MCC: variants seen among roughly 807,000 people sequenced by gnomAD.
MCC encodes the protein colorectal mutant cancer protein.
In MCC, 90 loss-of-function variants were observed where a neutral mutation model predicts 116.2. The ratio of observed to expected loss-of-function variants is 0.77; its 90% CI spans 0.65 to 0.92. MCC has a LOEUF of 0.92. Ranked by LOEUF, MCC falls within the 40% of genes least tolerant of loss-of-function variation. The probability of loss-of-function intolerance (pLI) is 0.00; values close to 1 mark genes in which losing one functional copy is unlikely to be tolerated. For synonymous variants in MCC, 578 were observed against 510.5 expected, an observed-to-expected ratio of 1.13 and a Z score of -1.78; for missense variants, 1,516 against 1,312.2, an observed-to-expected ratio of 1.16 and a Z score of -2.40.
chr5:113,051,630 C>A (rs1331979647), intron 15 of MCC, among the ~76,000 whole-genome samples: 24 of 152,226 alleles, frequency 1.6e-4, no homozygotes, highest in Admixed American at 1.6e-3. Context: ...GAGGCTGAGG[C>A]AGGAGGATCA....
intron 6 of MCC, among the ~76,000 whole-genome samples, chr5:113,106,561 G>A (rs1464794251): frequency 6.6e-6 from 1 of 152,018 alleles, no homozygotes; most frequent in Non-Finnish European, 1.5e-5. Flanking sequence ...CCTTTTTAGA[G>A]ACAGGGTCTT....
chr5:113,488,369 C>CGCTGCT lies in MCC; in HGVS notation c.40_45dup (p.Ser14_Ser15dup). On this transcript the variant is annotated inframe_insertion, in exon 1 of 19. Coordinates refer to ENST00000408903, the MANE Select transcript of MCC (RefSeq NM_001085377.2). ...CTGCCGCTGCCGCCGCCGCCGCCGC[C>CGCTGCT]GCTGCTGGAGCTCCCCGCAGCCGCT... 2.0e-6 allele frequency: 3 copies of CGCTGCT among 1,511,508 alleles called. No individual in the cohort carries two copies. The highest frequency in any genetic ancestry group is 2.6e-6 in the Non-Finnish European group (3 of 1,135,474). 93.6% of individuals were successfully genotyped at this position (1,511,508 alleles called of 1,614,324 possible). A position where few individuals can be genotyped will look rare whatever the true frequency, so the allele number is the denominator to read the frequency against.
intron 3 of MCC, among the ~76,000 whole-genome samples, chr5:113,320,257 T>TACAC (rs147315202): frequency 1.1e-3 from 173 of 150,982 alleles, no homozygotes; most frequent in African/African-American, 3.8e-3. Context: ...TACTATGTAG[T>TACAC]ACACACACAC....
intron 6 of MCC, among the ~76,000 whole-genome samples, chr5:113,107,208 C>CTTTTTTTTT (rs746820475): frequency 3.2e-5 from 4 of 125,070 alleles, no homozygotes; most frequent in Non-Finnish European, 4.7e-5. Context: ...GCATGTTTTT[C>CTTTTTTTTT]TTTTTTTTTT....
At chr5:113,293,940 A>T (rs1341124381) in intron 3 of MCC, among the ~76,000 whole-genome samples, 1 of 152,062 alleles carries the variant, frequency 6.6e-6, no homozygotes, top group African/African-American at 2.4e-5. Flanking sequence ...CCACCAAATT[A>T]GTTACCGTCG....
chr5:113,252,276 CAGG>C (rs1343155541), intron 3 of MCC, among the ~76,000 whole-genome samples: 7 of 152,304 alleles, frequency 4.6e-5, no homozygotes, highest in Admixed American at 4.6e-4. Flanking sequence ...GGCCGCAAAG[CAGG>C]AGGTGAGTGG....
At chr5:113,427,916 GA>G (rs1053658094) in intron 1 of MCC, among the ~76,000 whole-genome samples, 1 of 151,742 alleles carries the variant, frequency 6.6e-6, no homozygotes, top group Non-Finnish European at 1.5e-5. Flanking sequence ...GCAATCTCAG[GA>G]AAAAAAATCC....
chr5:113,417,464 G>A, intron 1 of MCC, among the ~76,000 whole-genome samples: 1 of 152,172 alleles, frequency 6.6e-6, no homozygotes, highest in East Asian at 1.9e-4. Context: ...AGAGGTCAGT[G>A]ATTTCCCTGT....
intron 13 of MCC, among the ~76,000 whole-genome samples, chr5:113,066,179 G>A (rs1372982869): frequency 6.6e-6 from 1 of 152,120 alleles, no homozygotes; most frequent in African/African-American, 2.4e-5. Context: ...AGCTCTTTCA[G>A]CTCCTACACC....
chr5:113,097,727 C>T (rs1380550475), intron 8 of MCC, among the ~76,000 whole-genome samples: 1 of 152,314 alleles, frequency 6.6e-6, no homozygotes, highest in Middle Eastern at 3.4e-3. Context: ...AACACTTACA[C>T]TTCCAGGCTG....
At chr5:113,414,662 C>A (rs888134404) in intron 1 of MCC, among the ~76,000 whole-genome samples, 1 of 151,986 alleles carries the variant, frequency 6.6e-6, no homozygotes, top group Non-Finnish European at 1.5e-5. Context: ...TGTGTGTCTC[C>A]GCACATGAGA....
chr5:113,053,951 C>G lies in MCC; in HGVS notation c.2222G>C (p.Ser741Thr). Residue 741 changes from serine (S) to threonine (T), a missense_variant, in exon 15 of 19, where the codon AGC becomes ACC. By Grantham distance (58) the Ser-to-Thr change is moderately conservative. Coordinates refer to ENST00000408903, the MANE Select transcript of MCC (RefSeq NM_001085377.2). Reference protein sequence around the residue: ...LSSNSHTSTTSSTASSCDTEF... With the variant: ...LSSNSHTSTTTSTASSCDTEF... Reference sequence around the variant, plus strand: ...GGTGTCGCAACTACTGGCTGTGGAGCTGGTTGTGCTGAGAAAGAAGAAAAA... The same window carrying G: ...GGTGTCGCAACTACTGGCTGTGGAGGTGGTTGTGCTGAGAAAGAAGAAAAA... 3 of 1,609,286 alleles carry G rather than the reference C, an allele frequency of 1.9e-6. No individual in the cohort carries two copies. The highest frequency in any genetic ancestry group is 2.6e-6 in the Non-Finnish European group (3 of 1,176,052).
intron 1 of MCC, among the ~76,000 whole-genome samples, chr5:113,429,492 G>C (rs149650905): frequency 3.9e-5 from 6 of 152,290 alleles, no homozygotes; most frequent in South Asian, 2.1e-4. Context: ...GACTAAGATA[G>C]GGGGTGAAGG....
At chr5:113,152,989 A>G (rs1293125116) in intron 3 of MCC, among the ~76,000 whole-genome samples, 3 of 152,102 alleles carry the variant, frequency 2.0e-5, no homozygotes. Context: ...CCCGTTGTAT[A>G]GTCTTGTTGA....
At chr5:113,464,213 C>A (rs1771834140) in intron 1 of MCC, among the ~76,000 whole-genome samples, 1 of 152,094 alleles carries the variant, frequency 6.6e-6, no homozygotes, top group African/African-American at 2.4e-5. Context: ...TAAATATAGG[C>A]AATCAAACAG....
chr5:113,153,792 C>G (rs1020133159), intron 3 of MCC, among the ~76,000 whole-genome samples: 2 of 152,230 alleles, frequency 1.3e-5, no homozygotes, highest in African/African-American at 4.8e-5. Flanking sequence ...TCTCATGTGT[C>G]ATCATCACAG....
chr5:113,169,663 G>C (rs563374811), intron 3 of MCC, among the ~76,000 whole-genome samples: 2 of 152,118 alleles, frequency 1.3e-5, no homozygotes, highest in East Asian at 1.9e-4. Flanking sequence ...GAGACACAAG[G>C]GTAGGTTTCT....
At chr5:113,134,981 T>C (rs1452401178) in intron 5 of MCC, among the ~76,000 whole-genome samples, 1 of 149,122 alleles carries the variant, frequency 6.7e-6, no homozygotes, top group Admixed American at 6.7e-5. Context: ...TCGCTCTGTC[T>C]CCCAGCCTGG....
At chr5:113,157,335 A>G (rs1760227605) in intron 3 of MCC, among the ~76,000 whole-genome samples, 1 of 152,202 alleles carries the variant, frequency 6.6e-6, no homozygotes, top group Admixed American at 6.5e-5. Context: ...TTCCCATGAA[A>G]CACAGTTGGT....
Sources: gnomAD v4.1 joint callset for allele counts (sites outside exome capture counted in the v4.1 genomes callset) on GRCh38, gnomAD v4.1.1 for gene constraint, MANE v1.5 for transcripts, NCBI Gene and HGNC (gene_info 2026-07-23, HGNC 2026-07-21) for gene names.